The following GALNT13 variants were observed in gnomAD, a reference collection of about 807,000 sequenced individuals.
The protein encoded by GALNT13 is polypeptide N-acetylgalactosaminyltransferase 13, also known as UDP-GalNAc:polypeptide N-acetylgalactosaminyltransferase 13.
GALNT13 carries 28 observed loss-of-function variants against 64.2 expected under a neutral mutation model. The ratio of observed to expected loss-of-function variants is 0.44; its 90% confidence interval spans 0.32 to 0.60. The LOEUF (loss-of-function observed/expected upper bound fraction) is 0.60, where lower values mean the gene tolerates loss of function less well. Ranked by LOEUF, GALNT13 falls within the 20% of genes least tolerant of loss-of-function variation. GALNT13 has a pLI of 0.05. For missense variants in GALNT13, 577 were observed against 669.8 expected (o/e 0.86, Z 1.53); for synonymous variants, 214 against 224.6 (o/e 0.95, Z 0.42).
the GALNT13 span, among the ~76,000 whole-genome samples, chr2:153,163,786 A>G: frequency 0.066 from 10,013 of 152,164 alleles, 456 homozygotes; most frequent in Non-Finnish European, 0.096. Context: ...TTGGGAGGCC[A>G]AGGCGGGCGG....
intron 4 of GALNT13, among the ~76,000 whole-genome samples, chr2:154,159,838 C>A (rs1003438197): frequency 3.3e-5 from 5 of 152,132 alleles, no homozygotes; most frequent in African/African-American, 4.8e-5. Context: ...AAGACTAACA[C>A]ATTATTACAA....
the GALNT13 span, among the ~76,000 whole-genome samples, chr2:153,650,387 C>T: frequency 1.4e-5 from 2 of 148,044 alleles, no homozygotes; most frequent in African/African-American, 5.1e-5. Flanking sequence ...TTTCTGAATA[C>T]AGCACACTGG....
intron 4 of GALNT13, among the ~76,000 whole-genome samples, chr2:154,235,179 A>T (rs572498040): frequency 5.4e-4 from 82 of 152,282 alleles, no homozygotes; most frequent in Non-Finnish European, 1.1e-3. Context: ...GAAGAAGCAA[A>T]TAATTGATCT....
chr2:154,020,842 T>C (rs1245342804), intron 3 of GALNT13, among the ~76,000 whole-genome samples: 1 of 152,112 alleles, frequency 6.6e-6, no homozygotes, highest in East Asian at 1.9e-4. Context: ...AAGTCTAACA[T>C]TTAAGTCTTT....
At chr2:153,813,018 A>G in the GALNT13 span, among the ~76,000 whole-genome samples, 237 of 152,290 alleles carry the variant, frequency 1.6e-3, no homozygotes, top group African/African-American at 5.5e-3. Context: ...CCTTCACTTT[A>G]TCTTTTCTTT....
At chr2:153,788,719 A>G in the GALNT13 span, among the ~76,000 whole-genome samples, 5 of 152,228 alleles carry the variant, frequency 3.3e-5, no homozygotes, top group Admixed American at 1.3e-4. Flanking sequence ...CTCACATGCA[A>G]TGACACCCAG....
the GALNT13 span, among the ~76,000 whole-genome samples, chr2:153,540,893 G>A: frequency 6.6e-6 from 1 of 152,186 alleles, no homozygotes; most frequent in Admixed American, 6.5e-5. Flanking sequence ...AGGCTTATAG[G>A]CAGAAGGGAC....
chr2:154,136,035 G>A (rs760663275), intron 3 of GALNT13, among the ~76,000 whole-genome samples: 15 of 152,028 alleles, frequency 9.9e-5, no homozygotes, highest in Non-Finnish European at 1.6e-4. Flanking sequence ...CAAAAGCATT[G>A]TTTTAGGGAA....
At chr2:153,667,605 T>G in the GALNT13 span, among the ~76,000 whole-genome samples, 1 of 152,200 alleles carries the variant, frequency 6.6e-6, no homozygotes, top group African/African-American at 2.4e-5. Context: ...CAGATCTTCC[T>G]AACAATAGGT....
the GALNT13 span, among the ~76,000 whole-genome samples, chr2:153,530,218 C>T: frequency 6.6e-6 from 1 of 151,612 alleles, no homozygotes; most frequent in East Asian, 1.9e-4. Flanking sequence ...AAATCAGTAG[C>T]ATTTTTATAT....
the GALNT13 span, among the ~76,000 whole-genome samples, chr2:153,680,144 T>C: frequency 6.6e-6 from 1 of 151,748 alleles, no homozygotes; most frequent in African/African-American, 2.4e-5. Context: ...AATAGATAAA[T>C]GAATAAATAA....
chr2:153,144,473 G>T, the GALNT13 span, among the ~76,000 whole-genome samples: 1 of 151,868 alleles, frequency 6.6e-6, no homozygotes, highest in South Asian at 2.1e-4. Flanking sequence ...TTTGTCATTA[G>T]GTAAGTGGCT....
intron 3 of GALNT13, among the ~76,000 whole-genome samples, chr2:153,992,866 T>G (rs1219286244): frequency 6.6e-6 from 1 of 152,232 alleles, no homozygotes; most frequent in Non-Finnish European, 1.5e-5. Flanking sequence ...AGGCAAATTA[T>G]TTTTATTGAT....
chr2:154,126,058 A>G (rs903147552), intron 3 of GALNT13, among the ~76,000 whole-genome samples: 1 of 152,140 alleles, frequency 6.6e-6, no homozygotes, highest in South Asian at 2.1e-4. Flanking sequence ...GTAAGTTGCT[A>G]CTATCATGTG....
At chr2:153,182,757 C>T in the GALNT13 span, among the ~76,000 whole-genome samples, 1 of 152,144 alleles carries the variant, frequency 6.6e-6, no homozygotes, top group Non-Finnish European at 1.5e-5. Flanking sequence ...ATCATGGCTT[C>T]CAATTCCATC....
chr2:153,432,231 T>A, the GALNT13 span, among the ~76,000 whole-genome samples: 1 of 152,186 alleles, frequency 6.6e-6, no homozygotes, highest in Admixed American at 6.5e-5. Context: ...TTAACACTCC[T>A]ATCTAAAAGC....
the GALNT13 span, among the ~76,000 whole-genome samples, chr2:153,643,336 C>T: frequency 6.6e-6 from 1 of 151,230 alleles, no homozygotes; most frequent in Non-Finnish European, 1.5e-5. Flanking sequence ...GCATATACAG[C>T]AGAAGATAAA....
chr2:153,956,473 A>C (rs1350118116), intron 3 of GALNT13, among the ~76,000 whole-genome samples: 1 of 152,168 alleles, frequency 6.6e-6, no homozygotes, highest in East Asian at 1.9e-4. Flanking sequence ...CAGATCATCT[A>C]TAACATGCTA....
intron 3 of GALNT13, among the ~76,000 whole-genome samples, chr2:154,111,603 C>T (rs749226657): frequency 2.6e-5 from 4 of 152,168 alleles, no homozygotes; most frequent in East Asian, 1.9e-4. Flanking sequence ...CGTAAGGTCA[C>T]GGGAGCAGGA....
Sources: allele counts gnomAD v4.1 joint callset (sites outside exome capture counted in the v4.1 genomes callset), GRCh38; gene constraint gnomAD v4.1.1; transcripts MANE v1.5; gene names NCBI Gene and HGNC (gene_info 2026-07-23, HGNC 2026-07-21).